ADGRD1: variants seen among roughly 807,000 people sequenced by gnomAD.
ADGRD1 encodes adhesion G protein-coupled receptor D1, also known as G-protein coupled receptor 133.
Under a neutral mutation model 113.4 loss-of-function variants are expected in ADGRD1, and 77 were observed. That is an observed-to-expected ratio of 0.68 (90% CI 0.57 to 0.82). The LOEUF is 0.82. Among genes scored for constraint, ADGRD1 ranks in the 40% least tolerant of loss-of-function variants. The pLI is 0.00. For synonymous variants in ADGRD1, 474 were observed against 475.0 expected (o/e 1.00, Z 0.03); for missense variants, 1,036 against 1,139.1 (o/e 0.91, Z 1.30).
chr12:131,059,870 G>T (rs993367288), intron 13 of ADGRD1, among the ~76,000 whole-genome samples: 1 of 152,062 alleles, frequency 6.6e-6, no homozygotes, highest in Non-Finnish European at 1.5e-5. Flanking sequence ...GCATCATTTG[G>T]TGTTGATGTC....
intron 13 of ADGRD1, among the ~76,000 whole-genome samples, chr12:131,074,698 G>A (rs932543860): frequency 1.3e-5 from 2 of 152,200 alleles, no homozygotes; most frequent in African/African-American, 4.8e-5. Context: ...TTTGTTCCCA[G>A]TCAGTGGGGA....
At chr12:131,136,219 T>C in intron 22 of ADGRD1, 56 bp downstream of exon 22, 2 of 1,601,242 alleles carry the variant, frequency 1.2e-6, no homozygotes, top group Non-Finnish European at 1.7e-6. Flanking sequence ...AGGAGCAGGC[T>C]TGCAGGGAGC....
rs542239932 is a variant in ADGRD1 at position 131,053,276 on chromosome 12, G to A, written c.1474-23525G>A. Reference sequence around the variant, plus strand: ...CTGTCTGCTTCCACTTCCCTGCCCCGTTCCTGTGCTGTGAACATTTGCACC... The same window carrying A: ...CTGTCTGCTTCCACTTCCCTGCCCCATTCCTGTGCTGTGAACATTTGCACC... On this transcript the variant is annotated intron_variant, in intron 13 of 24. Coordinates refer to ENST00000261654, the MANE Select transcript of ADGRD1 (RefSeq NM_198827.5). 2.6e-5 allele frequency among the ~76,000 whole-genome samples: 4 copies of A among 152,316 alleles called. No homozygotes were observed. In the East Asian group the frequency reaches 5.8e-4, roughly 22 times the overall value.
At chr12:130,979,694 C>T (rs944246266) in intron 4 of ADGRD1, among the ~76,000 whole-genome samples, 2 of 152,182 alleles carry the variant, frequency 1.3e-5, no homozygotes, top group African/African-American at 4.8e-5. Flanking sequence ...GTTCTGGGCA[C>T]GTGTTCTCTC....
In ADGRD1 at chr12:131,084,110, C is replaced by A. The variant is rs1033426600; in HGVS notation, c.1548-430C>A. Among the ~76,000 whole-genome samples the A allele has an allele frequency of 2.0e-5, 3 of 152,186 alleles. No individual in the cohort carries two copies. Among genetic ancestry groups the A allele is most frequent in the African/African-American group, 7.2e-5 (3 of 41,438 alleles). Reference sequence around the variant, plus strand: ...CCCACACTGCACTCACCCGTTTCCCCCGATGGGCATTTATGTTACCGTCAC... The same window carrying A: ...CCCACACTGCACTCACCCGTTTCCCACGATGGGCATTTATGTTACCGTCAC... On this transcript the variant is annotated intron_variant, in intron 14 of 24. Transcript: ENST00000261654. The surrounding 1 kb of genome is among the most constrained non-coding windows in gnomAD (Gnocchi z 4.5).
chr12:130,972,070 G>T (rs775117941), intron 4 of ADGRD1, among the ~76,000 whole-genome samples: 1 of 152,230 alleles, frequency 6.6e-6, no homozygotes, highest in East Asian at 1.9e-4. Flanking sequence ...CCGGCAAGCG[G>T]TCGCAGGCTT....
chr12:130,997,392 TCCTCACTTCTCAGACGGGGCGGCTGCC>T (rs1365473371), intron 8 of ADGRD1, among the ~76,000 whole-genome samples: 11 of 110,438 alleles, frequency 1.0e-4, no homozygotes, highest in African/African-American at 3.4e-4. Flanking sequence ...GCGGAGGGGC[TCCTCACTTCTCAGACGGGGCGGCTGCC>T]GGGCGGAGGG....
intron 13 of ADGRD1, among the ~76,000 whole-genome samples, chr12:131,061,635 A>G (rs1482537272): frequency 6.6e-6 from 1 of 152,242 alleles, no homozygotes; most frequent in Non-Finnish European, 1.5e-5. Flanking sequence ...CAAATGAGAG[A>G]AATACAGCGC....
At chr12:131,103,223 C>T (rs563331449) in intron 15 of ADGRD1, among the ~76,000 whole-genome samples, 3 of 152,374 alleles carry the variant, frequency 2.0e-5, no homozygotes, top group Non-Finnish European at 2.9e-5. Flanking sequence ...GTCCCTGAGC[C>T]GGAGAGCACA....
intron 13 of ADGRD1, among the ~76,000 whole-genome samples, chr12:131,036,130 T>G (rs35065379): frequency 6.6e-6 from 1 of 151,914 alleles, no homozygotes; most frequent in South Asian, 2.1e-4. Flanking sequence ...GACAGCAGGG[T>G]TCAGCCTTGC....
chr12:131,023,535 C>T (rs971322280), intron 13 of ADGRD1: 2 of 152,036 alleles, frequency 1.3e-5, no homozygotes, highest in Admixed American at 1.3e-4. Context: ...TTAAATAGCC[C>T]CTTCTGTCTC....
chr12:131,048,132 C>T (rs1050998999), intron 13 of ADGRD1, among the ~76,000 whole-genome samples: 9 of 152,228 alleles, frequency 5.9e-5, no homozygotes, highest in African/African-American at 1.2e-4. Flanking sequence ...AGATGCTTGT[C>T]GGTCACAGAG....
In ADGRD1 at chr12:131,084,503, G is replaced by T; in HGVS notation, c.1548-37G>T. The T allele has an allele frequency of 1.9e-6, 3 of 1,613,256 alleles. No individual in the cohort carries two copies. The highest frequency in any genetic ancestry group is 2.5e-6 in the Non-Finnish European group (3 of 1,179,746). ...CAGTCCCCTGCCTGCCAAGGGTGCG[G>T]TGCTACCTCCTCTGATCCTTTCTCC... On this transcript the variant is annotated intron_variant, in intron 14 of 24. Transcript: ENST00000261654. This position sits in a 1 kb window ranked among gnomAD's most constrained non-coding sequence, Gnocchi z 4.5.
chr12:131,032,434 G>A (rs972520852), intron 13 of ADGRD1, among the ~76,000 whole-genome samples: 6 of 152,306 alleles, frequency 3.9e-5, no homozygotes, highest in Admixed American at 2.6e-4. Flanking sequence ...AAGTACATGC[G>A]ATGCCTCCGC....
At chr12:131,036,964 G>T (rs935075827) in intron 13 of ADGRD1, among the ~76,000 whole-genome samples, 10 of 112,658 alleles carry the variant, frequency 8.9e-5, no homozygotes, top group African/African-American at 2.9e-4. Flanking sequence ...CACAGCAACA[G>T]AATCTTACTC....
intron 14 of ADGRD1, among the ~76,000 whole-genome samples, chr12:131,081,953 T>C (rs1397089227): frequency 2.6e-5 from 4 of 152,206 alleles, no homozygotes. Context: ...TATATCAATA[T>C]ATTATTTTGT....
intron 13 of ADGRD1, among the ~76,000 whole-genome samples, chr12:131,064,047 A>G (rs1023939121): frequency 6.6e-6 from 1 of 152,220 alleles, no homozygotes; most frequent in African/African-American, 2.4e-5. Flanking sequence ...TTGAGTGACT[A>G]TGAACTCACT....
At chr12:131,089,198 A>G (rs1484408871) in intron 15 of ADGRD1, among the ~76,000 whole-genome samples, 2 of 152,202 alleles carry the variant, frequency 1.3e-5, no homozygotes, top group Admixed American at 6.5e-5. Context: ...TGAGGGGGGA[A>G]CTGGAGAGAC....
intron 13 of ADGRD1, chr12:131,069,099 GT>G (rs1566080743): frequency 6.6e-6 from 1 of 152,166 alleles, no homozygotes; most frequent in Admixed American, 6.5e-5. Flanking sequence ...CCTGTGGATC[GT>G]CCCCCCGACC....
Sources: allele counts gnomAD v4.1 joint callset (sites outside exome capture counted in the v4.1 genomes callset), GRCh38; gene constraint gnomAD v4.1.1; non-coding constraint Gnocchi (gnomAD v3.1); transcripts MANE v1.5; gene names NCBI Gene and HGNC (gene_info 2026-07-23, HGNC 2026-07-21).